SNX29: variants seen among roughly 807,000 people sequenced by gnomAD.
The protein encoded by SNX29 is sorting nexin-29.
A neutral mutation model predicts 102.1 loss-of-function variants in SNX29; 78 were observed. The ratio of observed to expected loss-of-function variants is 0.76; its 90% CI spans 0.64 to 0.92. SNX29 has a LOEUF of 0.92. Among genes scored for constraint, SNX29 ranks in the 40% least tolerant of loss-of-function variants. SNX29 has a pLI of 0.00. For missense variants in SNX29, 1,280 were observed against 1,061.7 expected (o/e 1.21, Z -2.86); for synonymous variants, 580 against 414.5 (o/e 1.40, Z -4.85).
At chr16:12,065,410 C>T (rs904969923) in intron 9 of SNX29, among the ~76,000 whole-genome samples, 6 of 152,198 alleles carry the variant, frequency 3.9e-5, no homozygotes, top group African/African-American at 1.4e-4. Context: ...TATGACTGCT[C>T]ATCCCTTCAT....
intron 19 of SNX29, among the ~76,000 whole-genome samples, chr16:12,515,031 G>A (rs2089803246): frequency 6.6e-6 from 1 of 152,154 alleles, no homozygotes; most frequent in African/African-American, 2.4e-5. Flanking sequence ...CCCAGTGCCT[G>A]GCAGAGAAAG....
chr16:12,126,780 C>A (rs902942729), intron 12 of SNX29, 84 bp downstream of exon 12: 1 of 1,506,256 alleles, frequency 6.6e-7, no homozygotes, highest in Non-Finnish European at 9.1e-7. Context: ...AGATGAGGGA[C>A]ATTTTGCTTT....
intron 19 of SNX29, among the ~76,000 whole-genome samples, chr16:12,481,554 A>ACC (rs535949606): frequency 0.025 from 2,914 of 117,668 alleles, 66 homozygotes; most frequent in African/African-American, 0.063. Flanking sequence ...ACACACACAC[A>ACC]CCCCAAATGT....
At chr16:12,103,847 A>G (rs1361664198) in intron 11 of SNX29, among the ~76,000 whole-genome samples, 1 of 152,250 alleles carries the variant, frequency 6.6e-6, no homozygotes, top group Non-Finnish European at 1.5e-5. Context: ...ACTTTGCGAG[A>G]GAAAAACAAG....
intron 14 of SNX29, among the ~76,000 whole-genome samples, chr16:12,210,030 G>A (rs1004113641): frequency 1.3e-5 from 2 of 152,188 alleles, no homozygotes; most frequent in Admixed American, 6.5e-5. Context: ...GGTACCTATT[G>A]TCTAATCAGT....
intron 15 of SNX29, among the ~76,000 whole-genome samples, chr16:12,342,866 G>A (rs1474630962): frequency 6.6e-6 from 1 of 152,204 alleles, no homozygotes; most frequent in African/African-American, 2.4e-5. Flanking sequence ...CCAGGTGCTG[G>A]TGTTCATGAA....
At chr16:12,263,449 T>C (rs1447339923) in intron 14 of SNX29, among the ~76,000 whole-genome samples, 1 of 152,200 alleles carries the variant, frequency 6.6e-6, no homozygotes, top group Non-Finnish European at 1.5e-5. Flanking sequence ...AATAGTTGTA[T>C]GGACCCGATG....
intron 20 of SNX29, among the ~76,000 whole-genome samples, chr16:12,537,650 T>C (rs963035219): frequency 5.3e-5 from 8 of 152,246 alleles, no homozygotes; most frequent in African/African-American, 1.9e-4. Flanking sequence ...TTATTACAGT[T>C]GTTTGCCCTA....
At position 12,216,835 on chromosome 16, in the gene SNX29, C is replaced by A. The variant is rs562660640; in HGVS notation, c.1678+17152C>A. On this transcript the variant is annotated intron_variant, in intron 14 of 20. Transcript: ENST00000566228. ...TCATTCATCTTCTCCATTTCTAGTG[C>A]TGAGTCTTCAAGTTCACTTGTCTTC... Among the ~76,000 whole-genome samples, 10 of 151,798 alleles carry A rather than the reference C, an allele frequency of 6.6e-5. No homozygotes were observed. The South Asian group carries it at 1.0e-3, about 16-fold the overall frequency.
chr16:12,523,260 C>A (rs867368663), intron 19 of SNX29, among the ~76,000 whole-genome samples: 3 of 152,198 alleles, frequency 2.0e-5, no homozygotes, highest in Non-Finnish European at 2.9e-5. Context: ...ATGTATGGGG[C>A]CTCCTGGGCG....
chr16:12,546,904 G>T (rs2077640727), intron 20 of SNX29, among the ~76,000 whole-genome samples: 1 of 152,206 alleles, frequency 6.6e-6, no homozygotes, highest in African/African-American at 2.4e-5. Context: ...AGTGCAGCTG[G>T]AAGCCCTAGG....
intron 2 of SNX29, chr16:12,000,524 A>AT (rs200650562): frequency 0.1 from 15,151 of 149,482 alleles, 866 homozygotes; most frequent in African/African-American, 0.15. Flanking sequence ...GTGTGTTAAA[A>AT]TTTTTTTTTT....
chr16:12,520,973 C>A (rs937109459), intron 19 of SNX29, among the ~76,000 whole-genome samples: 1 of 152,014 alleles, frequency 6.6e-6, no homozygotes, highest in Admixed American at 6.6e-5. Flanking sequence ...CTGAGGTGGG[C>A]GGATCACTTG....
At chr16:12,127,150 T>C (rs2054248349) in intron 12 of SNX29, among the ~76,000 whole-genome samples, 1 of 151,252 alleles carries the variant, frequency 6.6e-6, no homozygotes, top group Non-Finnish European at 1.5e-5. Context: ...TCCCAGCTAC[T>C]CAGGAGGCTG....
At chr16:12,023,541 G>T (rs371148458) in intron 3 of SNX29, among the ~76,000 whole-genome samples, 1 of 147,740 alleles carries the variant, frequency 6.8e-6, no homozygotes, top group Non-Finnish European at 1.5e-5. Context: ...TCACACCACC[G>T]CACTCCAGCC....
intron 18 of SNX29, among the ~76,000 whole-genome samples, chr16:12,406,998 T>G (rs536101615): frequency 2.5e-4 from 38 of 152,224 alleles, no homozygotes; most frequent in Non-Finnish European, 5.0e-4. Context: ...TGGCTCCTGT[T>G]CTGGACAGCA....
intron 18 of SNX29, among the ~76,000 whole-genome samples, chr16:12,448,985 G>A (rs1241908112): frequency 1.3e-5 from 2 of 152,136 alleles, no homozygotes; most frequent in African/African-American, 4.8e-5. Context: ...TGGCTGCAGG[G>A]CAGGTTTGCA....
rs2052767480 is a variant in SNX29, at chr16:12,096,362, A to G, written c.1402+17447A>G. Among the ~76,000 whole-genome samples the G allele has an allele frequency of 2.6e-5, 4 of 152,216 alleles. No individual in the cohort carries two copies. Among genetic ancestry groups the G allele is most frequent in the Non-Finnish European group, 4.4e-5 (3 of 68,030 alleles). ...CAAACATCTCTCATGTGCTGGGCGC[A>G]GTTCTAGGTGCTGAGGAGCCAGAGG... is the stretch of plus-strand genomic sequence containing the variant. On this transcript the variant is annotated intron_variant, in intron 11 of 20. Transcript: ENST00000566228. This position sits in a 1 kb window ranked among gnomAD's most constrained non-coding sequence, Gnocchi z 4.2.
intron 10 of SNX29, among the ~76,000 whole-genome samples, 197 bp downstream of exon 10, chr16:12,069,329 A>G (rs1030017729): frequency 6.6e-6 from 1 of 152,014 alleles, no homozygotes; most frequent in Non-Finnish European, 1.5e-5. Flanking sequence ...GCAGTGGCGC[A>G]GTCTCGGCTC....
Sources: gnomAD v4.1 joint callset for allele counts (sites outside exome capture counted in the v4.1 genomes callset) on GRCh38, gnomAD v4.1.1 for gene constraint, Gnocchi (gnomAD v3.1) non-coding constraint, MANE v1.5 for transcripts, NCBI Gene and HGNC (gene_info 2026-07-23, HGNC 2026-07-21) for gene names.